Variants in AXDND1 observed in about 807,000 individuals in gnomAD.
The protein encoded by AXDND1 is axonemal dynein light chain domain-containing protein 1.
A neutral mutation model predicts 137.5 loss-of-function variants in AXDND1; 110 were observed. That is an observed-to-expected ratio of 0.80 (90% CI 0.69 to 0.94). AXDND1 has a LOEUF of 0.94. Ranked by LOEUF, AXDND1 falls within the 40% of genes least tolerant of loss-of-function variation. The probability of loss-of-function intolerance (pLI) is 0.00; values close to 1 mark genes in which losing one functional copy is unlikely to be tolerated. For synonymous variants in AXDND1, 414 were observed against 399.7 expected, an observed-to-expected ratio of 1.04 and a Z score of -0.43; for missense variants, 1,191 against 1,169.8, an observed-to-expected ratio of 1.02 and a Z score of -0.26.
intron 4 of AXDND1, among the ~76,000 whole-genome samples, chr1:179,376,860 T>C (rs1264730906): frequency 1.3e-5 from 2 of 152,196 alleles, no homozygotes; most frequent in African/African-American, 2.4e-5. Flanking sequence ...AAATATTTGC[T>C]GAGCAAATTA....
intron 10 of AXDND1, among the ~76,000 whole-genome samples, chr1:179,394,517 G>C (rs1158407668): frequency 6.6e-6 from 1 of 151,632 alleles, no homozygotes; most frequent in African/African-American, 2.4e-5. Flanking sequence ...TTGAACCCGG[G>C]AGGTGGAGGT....
Position 179,489,900 on chromosome 1 carries a change from C to CCA in AXDND1, c.2092-1637_2092-1636insAC, listed in dbSNP as rs1558259477. ...GCTGGGACTATAGGCGCCCACCACC[C>CCA]CGCCCGACTAATTTTTTGTATTTTT... On this transcript the variant is annotated intron_variant, in intron 18 of 25. Coordinates refer to ENST00000367618, the MANE Select transcript of AXDND1 (RefSeq NM_144696.6). Among the ~76,000 whole-genome samples the CCA allele has an allele frequency of 7.2e-5, 11 of 151,942 alleles. No individual in the cohort carries two copies. The East Asian group carries it at 2.1e-3, about 30-fold the overall frequency.
chr1:179,443,022 A>G (rs6425556), intron 15 of AXDND1, among the ~76,000 whole-genome samples: 98,509 of 151,968 alleles, frequency 0.65, 32,258 homozygotes, highest in Middle Eastern at 0.71. Flanking sequence ...GTAATTGTCA[A>G]TGGGCCATTT....
At chr1:179,392,414 C>A (rs913770585) in intron 9 of AXDND1, among the ~76,000 whole-genome samples, 1 of 152,180 alleles carries the variant, frequency 6.6e-6, no homozygotes, top group Non-Finnish European at 1.5e-5. Context: ...TTTGCAGTTG[C>A]AAATTGTGCT....
chr1:179,440,817 G>A (rs1658873802), intron 15 of AXDND1, among the ~76,000 whole-genome samples: 1 of 152,210 alleles, frequency 6.6e-6, no homozygotes, highest in African/African-American at 2.4e-5. Flanking sequence ...AATTGTAGCA[G>A]TTTCTATGCG....
At chr1:179,540,749 A>T (rs1428717612) in intron 25 of AXDND1, among the ~76,000 whole-genome samples, 3 of 152,178 alleles carry the variant, frequency 2.0e-5, no homozygotes, top group Non-Finnish European at 4.4e-5. Flanking sequence ...CTCTCTTCAG[A>T]GCTGTCAGGC....
At chr1:179,389,807 C>G (rs1333745392) in intron 9 of AXDND1, among the ~76,000 whole-genome samples, 2 of 152,060 alleles carry the variant, frequency 1.3e-5, no homozygotes. Context: ...CCTATATTGT[C>G]AGGAGGGGGA....
intron 9 of AXDND1, among the ~76,000 whole-genome samples, chr1:179,388,368 A>G (rs1229637334): frequency 6.6e-6 from 1 of 152,146 alleles, no homozygotes; most frequent in African/African-American, 2.4e-5. Context: ...TCTTTGACTC[A>G]TGTCTGTACT....
At chr1:179,371,251 A>G (rs1668007132) in intron 4 of AXDND1, among the ~76,000 whole-genome samples, 1 of 152,048 alleles carries the variant, frequency 6.6e-6, no homozygotes, top group Non-Finnish European at 1.5e-5. Context: ...AACATGGTGA[A>G]ACCCTGTCAC....
chr1:179,546,678 G>T (rs1672680691), intron 25 of AXDND1, among the ~76,000 whole-genome samples: 2 of 152,270 alleles, frequency 1.3e-5, no homozygotes, highest in South Asian at 4.2e-4. Flanking sequence ...CTGTGTCCCA[G>T]CCCCCAATCT....
chr1:179,400,760 C>A (rs1464055425), intron 11 of AXDND1, among the ~76,000 whole-genome samples: 1 of 150,186 alleles, frequency 6.7e-6, no homozygotes. Context: ...AAAAAATTAG[C>A]CGGGCATGGT....
chr1:179,415,068 G>A lies in AXDND1; in HGVS notation c.1230+3802G>A, dbSNP rs556113981. Among the ~76,000 whole-genome samples the A allele has an allele frequency of 1.9e-4, 29 of 152,320 alleles. 1 individual carries two copies. The South Asian group carries it at 2.5e-3, about 13-fold the overall frequency. The stretch of plus-strand genomic sequence containing the variant: ...TAAAAAATTTAGATTTCGGCTGGGC[G>A]TGATGGCCAATGCCTGTAATCCCAG... On this transcript the variant is annotated intron_variant, in intron 12 of 25. Transcript: ENST00000367618.
At chr1:179,527,555 ATAC>A (rs1670645867) in intron 22 of AXDND1, among the ~76,000 whole-genome samples, 1 of 152,184 alleles carries the variant, frequency 6.6e-6, no homozygotes, top group African/African-American at 2.4e-5. Context: ...GAGAATAATA[ATAC>A]TAATAGCCTG....
Position 179,528,319 on chromosome 1 carries a change from T to G in AXDND1, c.2611-8T>G. On this transcript the variant is annotated splice_region_variant and splice_polypyrimidine_tract_variant and intron_variant, in intron 22 of 25. Transcript: ENST00000367618. Reference sequence around the variant, plus strand: ...TTGCTAACAGGTCCGCATGTTTCTGTGTTCTAGCAACCTTCAACATCTACA... The same window carrying G: ...TTGCTAACAGGTCCGCATGTTTCTGGGTTCTAGCAACCTTCAACATCTACA... 2 of 1,605,944 alleles carry G rather than the reference T, an allele frequency of 1.2e-6. No individual in the cohort carries two copies. The highest frequency in any genetic ancestry group is 1.7e-6 in the Non-Finnish European group (2 of 1,172,994).
chr1:179,422,238 AGATATATCAAATAT>A (rs1381732907), intron 12 of AXDND1, among the ~76,000 whole-genome samples: 1 of 74,948 alleles, frequency 1.3e-5, no homozygotes, highest in Non-Finnish European at 3.2e-5. Flanking sequence ...ATTTTGATAT[AGATATATCAAATAT>A]ATAATTTATA....
At chr1:179,474,770 T>G (rs1156744590) in intron 17 of AXDND1, among the ~76,000 whole-genome samples, 1 of 152,146 alleles carries the variant, frequency 6.6e-6, no homozygotes, top group African/African-American at 2.4e-5. Context: ...TAAAGACAGC[T>G]GCAGAAATTT....
At chr1:179,416,012 C>T (rs764441641) in intron 12 of AXDND1, among the ~76,000 whole-genome samples, 20 of 152,066 alleles carry the variant, frequency 1.3e-4, no homozygotes, top group Non-Finnish European at 2.5e-4. Flanking sequence ...GTCAGTCTAC[C>T]TATCTATCTA....
intron 25 of AXDND1, among the ~76,000 whole-genome samples, chr1:179,547,146 G>C (rs963062): frequency 0.91 from 138,231 of 152,266 alleles, 62,887 homozygotes; most frequent in East Asian, 0.96. Context: ...TATTTCCCCA[G>C]AGGAAGCAGA....
intron 18 of AXDND1, among the ~76,000 whole-genome samples, chr1:179,488,634 C>CTCTTTT (rs376189496): frequency 3.8e-5 from 4 of 105,170 alleles, no homozygotes; most frequent in Admixed American, 9.8e-5. Context: ...CTCTCTCTCT[C>CTCTTTT]CTTTCTTTCT....
Sources: allele counts gnomAD v4.1 joint callset (sites outside exome capture counted in the v4.1 genomes callset), GRCh38; gene constraint gnomAD v4.1.1; transcripts MANE v1.5; gene names NCBI Gene and HGNC (gene_info 2026-07-23, HGNC 2026-07-21).